The following BIRC6 variants were observed in gnomAD, a reference collection of about 807,000 sequenced individuals.
BIRC6 encodes the protein dual E2 ubiquitin-conjugating enzyme/E3 ubiquitin-protein ligase BIRC6.
Under a neutral mutation model 503.3 loss-of-function variants are expected in BIRC6, and 98 were observed. That is an observed-to-expected ratio of 0.19 (90% CI 0.17 to 0.23). The LOEUF (loss-of-function observed/expected upper bound fraction) is 0.23, where lower values mean the gene tolerates loss of function less well. Ranked by LOEUF, BIRC6 falls within the 10% of genes least tolerant of loss-of-function variation. The pLI is 1.00. For synonymous variants in BIRC6, 2,240 were observed against 2,078.7 expected (o/e 1.08, Z -2.11); for missense variants, 5,360 against 5,806.0 (o/e 0.92, Z 2.50).
At chr2:32,438,217 A>T (rs2044959569) in intron 15 of BIRC6, among the ~76,000 whole-genome samples, 1 of 152,226 alleles carries the variant, frequency 6.6e-6, no homozygotes, top group African/African-American at 2.4e-5. Context: ...TTTGAAACTG[A>T]ATAAGATAAG....
Position 32,547,929 on chromosome 2 carries a change from C to G in BIRC6, c.12890C>G (p.Thr4297Arg). Residue 4297 changes from threonine to arginine, a missense_variant, in exon 64 of 74, where the codon ACA becomes AGA. By Grantham distance (71) the Thr-to-Arg change is moderately conservative. Coordinates refer to ENST00000421745, the MANE Select transcript of BIRC6 (RefSeq NM_016252.4). Reference protein sequence around the residue: ...LYWAKGTGFGTGSTASGWDVE... With the variant: ...LYWAKGTGFGRGSTASGWDVE... ...TGGGCCAAAGGGACTGGCTTTGGAA[C>G]AGGCTCTACAGCTTCTGGGTGGGAT... 6.2e-7 allele frequency: 1 copy of G among 1,613,756 alleles called. No individual in the cohort carries two copies. Among genetic ancestry groups the G allele is most frequent in the Non-Finnish European group, 8.5e-7 (1 of 1,179,770 alleles).
chr2:32,405,258 G>T (rs1190057599), intron 8 of BIRC6, among the ~76,000 whole-genome samples: 1 of 152,000 alleles, frequency 6.6e-6, no homozygotes. Flanking sequence ...CTGTTTCTCT[G>T]AAACCAGCCA....
At chr2:32,513,199 C>T in intron 54 of BIRC6, 45 bp downstream of exon 54, 1 of 1,443,244 alleles carries the variant, frequency 6.9e-7, no homozygotes, top group East Asian at 2.3e-5. Flanking sequence ...AGTACTAGAT[C>T]AGTTAGTGTT....
rs1411698257 is a variant in BIRC6, at chr2:32,617,948, C to T, written c.*44C>T. The T allele has an allele frequency of 6.4e-7, 1 of 1,553,262 alleles. No individual in the cohort carries two copies. The highest frequency in any genetic ancestry group is 8.8e-7 in the Non-Finnish European group (1 of 1,140,376). On this transcript the variant is annotated 3_prime_UTR_variant, in exon 74 of 74. Transcript: ENST00000421745. ...TCATAGACACAAAGGCTTCGAAGCA[C>T]AAGCCAAATATGTCAATATTTGTAT...
At chr2:32,435,413 T>G in intron 13 of BIRC6, 83 bp from the exon 14 acceptor site, 4 of 1,356,536 alleles carry the variant, frequency 2.9e-6, no homozygotes, top group Non-Finnish European at 3.8e-6. Flanking sequence ...AAATCATTGA[T>G]ATTAAAGAAA....
chr2:32,410,704 CTTTT>C, intron 9 of BIRC6, among the ~76,000 whole-genome samples: 1 of 142,850 alleles, frequency 7.0e-6, no homozygotes, highest in African/African-American at 2.6e-5. Flanking sequence ...TGGGCAACTT[CTTTT>C]TTTTTTTTTT....
intron 26 of BIRC6, 23 bp from the exon 27 acceptor site, chr2:32,467,502 A>C (rs547523563): frequency 6.3e-7 from 1 of 1,599,180 alleles, no homozygotes; most frequent in Non-Finnish European, 8.6e-7. Context: ...TTTTTGGTCA[A>C]CTGTTTCTTC....
intron 66 of BIRC6, among the ~76,000 whole-genome samples, chr2:32,592,664 C>T (rs1331029989): frequency 6.6e-6 from 1 of 151,572 alleles, no homozygotes; most frequent in Admixed American, 6.6e-5. Context: ...GACGTGATCT[C>T]GGCTCACTGC....
At chr2:32,529,465 A>C in intron 59 of BIRC6, 186 bp from the exon 60 acceptor site, 3 of 506,872 alleles carry the variant, frequency 5.9e-6, no homozygotes, top group Non-Finnish European at 1.0e-5. Context: ...ATTATTGTTC[A>C]TTATTATATG....
At chr2:32,521,969 G>A (rs1368081754) in intron 57 of BIRC6, 1 of 151,660 alleles carries the variant, frequency 6.6e-6, no homozygotes, top group Non-Finnish European at 1.5e-5. Context: ...AAATATTTTG[G>A]CAATTATTTC....
chr2:32,481,175 G>A, intron 37 of BIRC6, 145 bp from the exon 38 acceptor site: 1 of 613,600 alleles, frequency 1.6e-6, no homozygotes, highest in Non-Finnish European at 2.7e-6. Context: ...GTGTATTATG[G>A]AGCGAAATGT....
chr2:32,487,469 TA>T (rs1324390012), intron 40 of BIRC6, among the ~76,000 whole-genome samples, 177 bp from the exon 41 acceptor site: 1 of 152,224 alleles, frequency 6.6e-6, no homozygotes, highest in African/African-American at 2.4e-5. Context: ...TTGTCTTTTT[TA>T]CTTTCAAGTA....
chr2:32,552,520 A>G (rs939199502), intron 65 of BIRC6, among the ~76,000 whole-genome samples: 2 of 152,216 alleles, frequency 1.3e-5, no homozygotes, highest in African/African-American at 4.8e-5. Flanking sequence ...GTTAGTTGTA[A>G]AATTATTACC....
intron 14 of BIRC6, among the ~76,000 whole-genome samples, 189 bp from the exon 15 acceptor site, chr2:32,435,864 T>A (rs1172006993): frequency 6.6e-6 from 1 of 152,206 alleles, no homozygotes; most frequent in African/African-American, 2.4e-5. Context: ...TGTAAAATAA[T>A]ATGGGAATGG....
intron 10 of BIRC6, among the ~76,000 whole-genome samples, chr2:32,417,489 T>C (rs1029736531): frequency 5.3e-5 from 8 of 152,078 alleles, no homozygotes; most frequent in Non-Finnish European, 1.0e-4. Flanking sequence ...GATAAAGCAG[T>C]TTTTGAAAAG....
chr2:32,553,806 A>G (rs2058603639), intron 65 of BIRC6, among the ~76,000 whole-genome samples: 1 of 152,230 alleles, frequency 6.6e-6, no homozygotes, highest in Non-Finnish European at 1.5e-5. Flanking sequence ...TTATGGTTCC[A>G]GTTACTCAAA....
chr2:32,445,410 GA>G (rs1275440591), intron 20 of BIRC6, 110 bp from the exon 21 acceptor site: 2 of 1,078,914 alleles, frequency 1.9e-6, no homozygotes, highest in Non-Finnish European at 2.5e-6. Context: ...CCAGAAAAGG[GA>G]GTATCTTTCT....
chr2:32,395,444 A>G, intron 5 of BIRC6, 67 bp from the exon 6 acceptor site: 1 of 1,225,584 alleles, frequency 8.2e-7, no homozygotes, highest in East Asian at 2.4e-5. Flanking sequence ...TTTAAAAATA[A>G]CTTTTATTAT....
rs1465801485 is a variant in BIRC6, at chr2:32,549,717, T to C, written c.13144+236T>C. Among the ~76,000 whole-genome samples, 11 of 152,230 alleles carry C rather than the reference T, an allele frequency of 7.2e-5. No individual in the cohort carries two copies. The East Asian group carries it at 2.1e-3, about 29-fold the overall frequency. On this transcript the variant is annotated intron_variant, in intron 65 of 73. Transcript: ENST00000421745. ...TGTCTTTATCTGTGAAAGGTGAAAG[T>C]AAACTTTTTTTCCTTTTAATCATCT... is the stretch of plus-strand genomic sequence containing the variant.
Sources: allele counts gnomAD v4.1 joint callset (sites outside exome capture counted in the v4.1 genomes callset), GRCh38; gene constraint gnomAD v4.1.1; transcripts MANE v1.5; gene names NCBI Gene and HGNC (gene_info 2026-07-23, HGNC 2026-07-21).